Variants in HP observed in about 807,000 individuals in gnomAD.
The protein encoded by HP is haptoglobin.
HP carries 9 observed loss-of-function variants against 23.2 expected under a neutral mutation model. That is an observed-to-expected ratio of 0.39 (90% CI 0.23 to 0.68). The LOEUF is 0.68. Ranked by LOEUF, HP falls within the 30% of genes least tolerant of loss-of-function variation. The pLI is 0.47. For synonymous variants in HP, 155 were observed against 183.3 expected, an observed-to-expected ratio of 0.85 and a Z score of 1.25; for missense variants, 433 against 483.6, an observed-to-expected ratio of 0.90 and a Z score of 0.98.
At chr16:72,058,814 C>T in intron 5 of HP, 1 of 466,454 alleles carries the variant, frequency 2.1e-6, no homozygotes, top group South Asian at 2.2e-5. Flanking sequence ...GAGTATCTTG[C>T]CCAAATTCAG....
intron 5 of HP, 131 bp from the exon 6 acceptor site, chr16:72,058,983 T>G: frequency 9.8e-7 from 1 of 1,017,782 alleles, no homozygotes; most frequent in Non-Finnish European, 1.5e-6. Context: ...TCTCATATAC[T>G]CTCTCCTTTT....
Position 72,054,595 on chromosome 16 carries a change from A to T in HP, c.-58A>T, listed in dbSNP as rs1597406953. 1.3e-6 allele frequency: 2 copies of T among 1,599,670 alleles called. No individual in the cohort carries two copies. Among genetic ancestry groups the T allele is most frequent in the Admixed American group, 3.5e-5 (2 of 57,624 alleles). On this transcript the variant is annotated 5_prime_UTR_variant, in exon 1 of 7. Transcript: ENST00000355906. ...GGGGGAGAAGTGAGCTAGTGGCAGC[A>T]TAAAAAGACCAGCAGATGCCCCACA...
chr16:72,060,573 C>A lies in HP; in HGVS notation c.904C>A (p.Pro302Thr), dbSNP rs1325708732. 2.5e-6 allele frequency: 4 copies of A among 1,614,118 alleles called. No homozygotes were observed. The highest frequency in any genetic ancestry group is 8.5e-7 in the Non-Finnish European group (1 of 1,180,034). ...FTDHLKYVMLPVADQDQCIRH... is the reference protein window; with the variant it reads ...FTDHLKYVMLTVADQDQCIRH... ...TGACCATCTGAAGTATGTCATGCTG[C>A]CTGTGGCTGACCAAGACCAATGCAT... The change falls in exon 7 of 7, where the codon CCT (proline) becomes ACT (threonine). Residue 302 changes from proline to threonine, a missense_variant. Physicochemically the swap from Pro to Thr is conservative, Grantham distance 38. Transcript: ENST00000355906.
intron 1 of HP, 166 bp from the exon 2 acceptor site, chr16:72,055,995 C>A (rs180736822): frequency 1.6e-6 from 2 of 1,246,162 alleles, no homozygotes. Context: ...ATTTCTTGGT[C>A]CTAGCACTTC....
intron 2 of HP, 109 bp downstream of exon 2, chr16:72,056,352 A>T: frequency 2.6e-6 from 4 of 1,558,150 alleles, no homozygotes; most frequent in Non-Finnish European, 3.5e-6. Flanking sequence ...CTGGGCTTTC[A>T]GGACCATAAA....
In HP at chr16:72,057,670, C is replaced by T. The variant is rs529850971; in HGVS notation, c.265+204C>T. On this transcript the variant is annotated intron_variant, in intron 4 of 6. Coordinates refer to ENST00000355906, the MANE Select transcript of HP (RefSeq NM_005143.5). ...TCACCAAGGGTCTTGTTCATTGGGG[C>T]CTGAAGGGCACTGGCTGAATCCACT... 64 of 638,154 alleles carry T rather than the reference C, an allele frequency of 1.0e-4. 10 individuals carry two copies. The highest frequency in any genetic ancestry group is 1.5e-5 in the Non-Finnish European group (6 of 391,950). The allele number at this position is 638,154 out of a possible 1,614,324, so 39.5% of individuals were successfully genotyped here.
intron 2 of HP, 132 bp downstream of exon 2, chr16:72,056,375 T>A: frequency 6.4e-7 from 1 of 1,565,398 alleles, no homozygotes; most frequent in Non-Finnish European, 8.7e-7. Flanking sequence ...ACATTGGGGT[T>A]CCTGCCAGAA....
In HP at chr16:72,057,262, CT is replaced by C. The variant is rs576512537; in HGVS notation, c.191-129del. ...TCCCTTCCTCCTTCTCATATTCTCTCTCCTTTCTCCCTTCCTGTCTGCCTCC... is the reference window on the plus strand; with the variant it reads ...TCCCTTCCTCCTTCTCATATTCTCTCCCTTTCTCCCTTCCTGTCTGCCTCC... On this transcript the variant is annotated intron_variant, in intron 3 of 6. Transcript: ENST00000355906. 2,183 of 1,006,744 alleles carry C rather than the reference CT, an allele frequency of 2.2e-3. 301 individuals are homozygous for C. The highest frequency in any genetic ancestry group is 5.6e-3 in the Middle Eastern group (28 of 4,990). 62.4% of individuals were successfully genotyped at this position (1,006,744 alleles called of 1,614,324 possible). A position where few individuals can be genotyped will look rare whatever the true frequency, so the allele number is the denominator to read the frequency against.
Position 72,057,604 on chromosome 16 carries a change from C to T in HP, c.265+138C>T, listed in dbSNP as rs1597409603. ...GGGATGTGGGAGAACCGCAGCTGGC[C>T]AGGGAGAGACTTAAGCAGTTAGGTG... On this transcript the variant is annotated intron_variant, in intron 4 of 6. Transcript: ENST00000355906. 4 of 625,082 alleles carry T rather than the reference C, an allele frequency of 6.4e-6. 1 individual carries two copies. The East Asian group carries it at 1.3e-4, about 21-fold the overall frequency. The allele number at this position is 625,082 out of a possible 1,614,324, so 38.7% of individuals were successfully genotyped here. A position where few individuals can be genotyped will look rare whatever the true frequency, so the allele number is the denominator to read the frequency against.
intron 6 of HP, chr16:72,059,515 G>T (rs1046772358): frequency 2.1e-5 from 8 of 373,078 alleles, no homozygotes; most frequent in African/African-American, 1.7e-4. Flanking sequence ...GTCAAGGAAT[G>T]ACATAAAATC....
chr16:72,060,719 C>G lies in HP; in HGVS notation c.1050C>G (p.Thr350=). ...CAGMSKYQED[T]CYGDAGSAFA... is the part of the protein sequence containing the mutation. ...GCATGTCTAAGTACCAAGAAGACAC[C>G]TGCTATGGCGATGCGGGCAGTGCCT... Residue 350 remains threonine (T), a synonymous_variant, in exon 7 of 7, where the codon ACC becomes ACG. Transcript: ENST00000355906. 2 of 1,614,176 alleles carry G rather than the reference C, an allele frequency of 1.2e-6. No homozygotes were observed. Among genetic ancestry groups the G allele is most frequent in the South Asian group, 1.1e-5 (1 of 91,084 alleles).
chr16:72,060,359 T>G lies in HP; in HGVS notation c.690T>G (p.Leu230=). Reference sequence around the variant, plus strand: ...CACTCTATGTGGGGAAAAAGCAGCTTGTAGAGATTGAGAAGGTTGTTCTAC... The same window carrying G: ...CACTCTATGTGGGGAAAAAGCAGCTGGTAGAGATTGAGAAGGTTGTTCTAC... ...TLTLYVGKKQ[L]VEIEKVVLHP... Residue 230 remains leucine (L), a synonymous_variant, in exon 7 of 7, where the codon CTT becomes CTG. Coordinates refer to ENST00000355906, the MANE Select transcript of HP (RefSeq NM_005143.5). 6.2e-7 allele frequency: 1 copy of G among 1,614,068 alleles called. No homozygotes were observed. Among genetic ancestry groups the G allele is most frequent in the Non-Finnish European group, 8.5e-7 (1 of 1,180,036 alleles).
At position 72,060,742 on chromosome 16, in the gene HP, C is replaced by A; in HGVS notation, c.1073C>A (p.Ala358Asp). 6.2e-7 allele frequency: 1 copy of A among 1,614,152 alleles called. No homozygotes were observed. The highest frequency in any genetic ancestry group is 1.1e-5 in the South Asian group (1 of 91,084). Residue 358 changes from alanine to aspartate, a missense_variant, in exon 7 of 7, where the codon GCC becomes GAC. By Grantham distance (126) the Ala-to-Asp change is moderately radical (BLOSUM62 -2). This residue lies in a region of HP where 326 missense variants were observed against 358.1 expected (regional missense o/e 0.91). Transcript: ENST00000355906. ...ACCTGCTATGGCGATGCGGGCAGTG[C>A]CTTTGCCGTTCACGACCTGGAGGAG... ...EDTCYGDAGS[A>D]FAVHDLEEDT...
At position 72,056,168 on chromosome 16, in the gene HP, G is replaced by A; in HGVS notation, c.13G>A (p.Gly5Arg). 6.2e-7 allele frequency: 1 copy of A among 1,613,860 alleles called. No individual in the cohort carries two copies. MSAL[G>R]AVIALLLWGQ... ...CTTGTCTTCTCTCTGCAGTGCCCTG[G>A]GAGCTGTCATTGCCCTCCTGCTCTG... The change falls in exon 2 of 7, where the codon GGA becomes AGA. Residue 5 changes from glycine (G) to arginine (R), a missense_variant. By Grantham distance (125) the Gly-to-Arg change is moderately radical. This residue lies in a region of HP where 71 missense variants were observed against 54.2 expected (regional missense o/e 1.31). Coordinates refer to ENST00000355906, the MANE Select transcript of HP (RefSeq NM_005143.5).
chr16:72,059,037 T>A lies in HP; in HGVS notation c.368-77T>A, dbSNP rs986646288. On this transcript the variant is annotated intron_variant, in intron 5 of 6. Coordinates refer to ENST00000355906, the MANE Select transcript of HP (RefSeq NM_005143.5). Reference sequence around the variant, plus strand: ...CTTTTCCTCTTCCTTTTAGTTCTTCTCTTTAAATGCCTTCTCACTCTGCAC... The same window carrying A: ...CTTTTCCTCTTCCTTTTAGTTCTTCACTTTAAATGCCTTCTCACTCTGCAC... 2.2e-6 allele frequency: 3 copies of A among 1,394,794 alleles called. 1 individual carries two copies. The highest frequency in any genetic ancestry group is 1.7e-5 in the African/African-American group (1 of 58,588). 86.4% of individuals were successfully genotyped at this position (1,394,794 alleles called of 1,614,324 possible). A position where few individuals can be genotyped will look rare whatever the true frequency, so the allele number is the denominator to read the frequency against.
intron 6 of HP, 80 bp from the exon 7 acceptor site, chr16:72,060,032 C>A: frequency 6.3e-7 from 1 of 1,590,636 alleles, no homozygotes; most frequent in Non-Finnish European, 8.6e-7. Context: ...GCAGTGACAG[C>A]CGCCCATGCT....
intron 6 of HP, chr16:72,059,674 C>T (rs2041509472): frequency 3.7e-6 from 1 of 271,986 alleles, no homozygotes; most frequent in Admixed American, 5.0e-5. Context: ...GAAATGCCAA[C>T]CTGCCTCGTA....
chr16:72,054,681 GC>G (rs1181304104), intron 1 of HP, 24 bp downstream of exon 1: 1 of 1,612,306 alleles, frequency 6.2e-7, no homozygotes, highest in Non-Finnish European at 8.5e-7. Flanking sequence ...TTTCCCTCCT[GC>G]CTTTCCTCTG....
Position 72,056,630 on chromosome 16 carries a change from T to C in HP, c.189T>C (p.Asp63=). ...KNYYKLRTEG[D]GVYTLNDKKQ... is the part of the protein sequence containing the mutation. ...ACTACAAACTGCGCACAGAAGGAGA[T>C]GGTAAGATGTGGACAACTGTCTCCA... The change falls in exon 3 of 7, where the codon GAT becomes GAC. Residue 63 remains aspartate (D), a splice_region_variant and synonymous_variant. Coordinates refer to ENST00000355906, the MANE Select transcript of HP (RefSeq NM_005143.5). 1.0e-6 allele frequency: 1 copy of C among 994,908 alleles called. No individual in the cohort carries two copies. Among genetic ancestry groups the C allele is most frequent in the Non-Finnish European group, 1.5e-6 (1 of 675,610 alleles). 61.6% of individuals were successfully genotyped at this position (994,908 alleles called of 1,614,324 possible).
Sources: gnomAD v4.1 joint callset for allele counts on GRCh38, gnomAD v4.1.1 for gene constraint, gnomAD v4.1.1 regional missense constraint, MANE v1.5 for transcripts, NCBI Gene and HGNC (gene_info 2026-07-23, HGNC 2026-07-21) for gene names.